SPAG16: variants seen among roughly 807,000 people sequenced by gnomAD.
SPAG16 encodes sperm associated antigen 16.
In SPAG16, 86 loss-of-function variants were observed where a neutral mutation model predicts 80.4. The ratio of observed to expected loss-of-function variants is 1.07; its 90% CI spans 0.90 to 1.28. The LOEUF (loss-of-function observed/expected upper bound fraction) is 1.28, where lower values mean the gene tolerates loss of function less well. Among genes scored for constraint, SPAG16 ranks in the 50% most tolerant of loss-of-function variants. SPAG16 has a pLI of 0.00. For synonymous variants in SPAG16, 294 were observed against 265.9 expected, an observed-to-expected ratio of 1.11 and a Z score of -1.03; for missense variants, 870 against 765.3, an observed-to-expected ratio of 1.14 and a Z score of -1.61.
At chr2:214,305,351 G>T (rs534820486) in intron 15 of SPAG16, among the ~76,000 whole-genome samples, 71 of 152,090 alleles carry the variant, frequency 4.7e-4, no homozygotes, top group African/African-American at 1.6e-3. Flanking sequence ...ATTTTCTTTT[G>T]CTGTGCAGAA....
intron 9 of SPAG16, among the ~76,000 whole-genome samples, chr2:213,397,455 C>CTTTG (rs1309797198): frequency 1.3e-5 from 2 of 152,126 alleles, no homozygotes; most frequent in African/African-American, 2.4e-5. Flanking sequence ...GATTTGCCCA[C>CTTTG]TCATTGTACC....
intron 10 of SPAG16, among the ~76,000 whole-genome samples, chr2:213,859,032 A>G (rs1218255390): frequency 6.6e-6 from 1 of 151,642 alleles, no homozygotes; most frequent in Non-Finnish European, 1.5e-5. Context: ...TACAAACATT[A>G]GCCAGACATG....
intron 15 of SPAG16, among the ~76,000 whole-genome samples, chr2:214,288,602 G>A (rs1007507627): frequency 1.3e-5 from 2 of 151,158 alleles, no homozygotes; most frequent in Admixed American, 6.6e-5. Context: ...AATTTTTTTT[G>A]TCTTTTTAGT....
chr2:213,855,891 C>T (rs2075140095), intron 10 of SPAG16, among the ~76,000 whole-genome samples: 1 of 152,132 alleles, frequency 6.6e-6, no homozygotes, highest in African/African-American at 2.4e-5. Context: ...CAGAGCCAAA[C>T]CATATCATTT....
chr2:213,916,337 G>A lies in SPAG16; in HGVS notation c.1215-13623G>A, dbSNP rs564469111. Among the ~76,000 whole-genome samples, 101 of 152,136 alleles carry A rather than the reference G, an allele frequency of 6.6e-4. 1 individual carries two copies. Among genetic ancestry groups the A allele is most frequent in the Non-Finnish European group, 1.2e-3 (79 of 68,028 alleles). On this transcript the variant is annotated intron_variant, in intron 11 of 15. Transcript: ENST00000331683. Reference sequence around the variant, plus strand: ...AGTTTCACTTCTCTGCATATGGCTAGCCAGTTTTCCCAACATCATTTATTA... The same window carrying A: ...AGTTTCACTTCTCTGCATATGGCTAACCAGTTTTCCCAACATCATTTATTA...
intron 9 of SPAG16, among the ~76,000 whole-genome samples, chr2:213,426,860 C>T (rs1215052808): frequency 6.6e-6 from 1 of 150,964 alleles, no homozygotes; most frequent in East Asian, 2.0e-4. Context: ...CACACACACA[C>T]ACACACACAC....
intron 13 of SPAG16, among the ~76,000 whole-genome samples, chr2:214,099,500 A>G (rs933751161): frequency 6.6e-6 from 1 of 152,136 alleles, no homozygotes; most frequent in Non-Finnish European, 1.5e-5. Flanking sequence ...AAACTCTGCA[A>G]CTTCACTCAA....
intron 12 of SPAG16, among the ~76,000 whole-genome samples, chr2:213,938,646 ATAATTT>A (rs2079081780): frequency 6.6e-6 from 1 of 151,988 alleles, no homozygotes; most frequent in Admixed American, 6.6e-5. Flanking sequence ...AATTATTAAA[ATAATTT>A]TAATTTAAAT....
chr2:214,136,065 G>T (rs1185481835), intron 14 of SPAG16, among the ~76,000 whole-genome samples: 3 of 152,018 alleles, frequency 2.0e-5, no homozygotes, highest in Non-Finnish European at 4.4e-5. Flanking sequence ...GCTGTCACAT[G>T]GTGAGAGAGA....
chr2:213,834,913 G>T lies in SPAG16; in HGVS notation c.1071-27572G>T, dbSNP rs77132199. On this transcript the variant is annotated intron_variant, in intron 10 of 15. Transcript: ENST00000331683. ...TTGTCATCTGTTTCTATTCTTGTGG[G>T]GTTGGGCAGATTAAAATATCTTCCC... Among the ~76,000 whole-genome samples, 807 of 152,190 alleles carry T rather than the reference G, an allele frequency of 5.3e-3. 14 individuals carry two copies. Among genetic ancestry groups the T allele is most frequent in the East Asian group, 0.04 (208 of 5,176 alleles).
At chr2:213,833,885 A>G (rs2125731593) in intron 10 of SPAG16, among the ~76,000 whole-genome samples, 1 of 151,822 alleles carries the variant, frequency 6.6e-6, no homozygotes, top group South Asian at 2.1e-4. Flanking sequence ...GGGTCATGGC[A>G]GACACTCATA....
At chr2:213,654,778 TCTC>T (rs2063160944) in intron 10 of SPAG16, among the ~76,000 whole-genome samples, 2 of 151,424 alleles carry the variant, frequency 1.3e-5, no homozygotes, top group South Asian at 2.1e-4. Context: ...AAACAGCAGT[TCTC>T]CTACAACTAG....
At chr2:213,352,108 TC>T (rs2065362914) in intron 7 of SPAG16, among the ~76,000 whole-genome samples, 1 of 151,918 alleles carries the variant, frequency 6.6e-6, no homozygotes, top group African/African-American at 2.4e-5. Context: ...GTTGTAAATT[TC>T]ATGAGGACTC....
At chr2:214,309,666 A>G (rs1178709127) in intron 15 of SPAG16, among the ~76,000 whole-genome samples, 3 of 152,136 alleles carry the variant, frequency 2.0e-5, no homozygotes, top group Non-Finnish European at 2.9e-5. Flanking sequence ...TAGGGGGCCA[A>G]CACTCAGCTC....
chr2:213,347,894 T>C lies in SPAG16; in HGVS notation c.645-2634T>C, dbSNP rs145012204. Among the ~76,000 whole-genome samples, 1,454 of 152,284 alleles carry C rather than the reference T, an allele frequency of 9.5e-3. 24 individuals are homozygous for C. The highest frequency in any genetic ancestry group is 0.033 in the African/African-American group (1,361 of 41,552). Reference sequence around the variant, plus strand: ...TGGGGTGGAGAGTTCTGTAGATGTCTATTAGGTCTGCTTGGTGTGGAGCTG... The same window carrying C: ...TGGGGTGGAGAGTTCTGTAGATGTCCATTAGGTCTGCTTGGTGTGGAGCTG... On this transcript the variant is annotated intron_variant, in intron 6 of 15. Coordinates refer to ENST00000331683, the MANE Select transcript of SPAG16 (RefSeq NM_024532.5).
intron 12 of SPAG16, among the ~76,000 whole-genome samples, chr2:213,975,838 GT>G (rs1264401094): frequency 1.3e-5 from 2 of 151,526 alleles, no homozygotes; most frequent in Non-Finnish European, 2.9e-5. Flanking sequence ...CAACAACCAT[GT>G]TTTTTTTCAC....
intron 10 of SPAG16, among the ~76,000 whole-genome samples, chr2:213,677,824 A>G (rs1189515113): frequency 6.6e-6 from 1 of 152,210 alleles, no homozygotes; most frequent in Non-Finnish European, 1.5e-5. Context: ...CATTTTTTTC[A>G]GAACCACACC....
chr2:213,930,276 A>T (rs1162490833), intron 12 of SPAG16, 131 bp downstream of exon 12: 1 of 559,678 alleles, frequency 1.8e-6, no homozygotes, highest in Non-Finnish European at 2.9e-6. Context: ...AGTTGATAAG[A>T]TTATAGAGAG....
intron 5 of SPAG16, among the ~76,000 whole-genome samples, chr2:213,326,468 G>T (rs2063844388): frequency 6.6e-6 from 1 of 151,952 alleles, no homozygotes; most frequent in Non-Finnish European, 1.5e-5. Flanking sequence ...GTTAAATTAA[G>T]AAGGTATTTT....
Sources: allele counts gnomAD v4.1 joint callset (sites outside exome capture counted in the v4.1 genomes callset), GRCh38; gene constraint gnomAD v4.1.1; transcripts MANE v1.5; gene names NCBI Gene and HGNC (gene_info 2026-07-23, HGNC 2026-07-21).